The following STK3 variants were observed in gnomAD, a reference collection of about 807,000 sequenced individuals.
STK3 encodes the protein serine/threonine kinase 3.
In STK3, 41 loss-of-function variants were observed where a neutral mutation model predicts 58.0. The observed-to-expected ratio is 0.71, with a 90% CI of 0.55 to 0.92. STK3 has a LOEUF of 0.92. Ranked by LOEUF, STK3 falls within the 40% of genes least tolerant of loss-of-function variation. STK3 has a pLI of 0.00. For synonymous variants in STK3, 170 were observed against 191.0 expected (o/e 0.89, Z 0.91); for missense variants, 479 against 602.7 (o/e 0.79, Z 2.15).
chr8:98,422,261 T>G (rs1011218875), intron 3 of STK3, among the ~76,000 whole-genome samples: 2 of 152,212 alleles, frequency 1.3e-5, no homozygotes, highest in African/African-American at 4.8e-5. Context: ...ATTTGTAACG[T>G]GCAGCAAAAC....
At chr8:98,827,539 A>C (rs1294192452), upstream of STK3, among the ~76,000 whole-genome samples, 1 of 152,236 alleles carries the variant, frequency 6.6e-6, no homozygotes, top group Non-Finnish European at 1.5e-5. Flanking sequence ...CATTATTTTA[A>C]GTTTCACTAT....
chr8:98,361,767 G>A, the STK3 span, among the ~76,000 whole-genome samples: 2 of 152,158 alleles, frequency 1.3e-5, no homozygotes, highest in Non-Finnish European at 2.9e-5. Flanking sequence ...CTTCTAGAAA[G>A]GACCTAGGAA....
downstream of STK3, among the ~76,000 whole-genome samples, chr8:98,367,171 G>A (rs557533357): frequency 8.5e-5 from 13 of 152,354 alleles, no homozygotes; most frequent in African/African-American, 2.6e-4. Flanking sequence ...TGTGAGATTA[G>A]ATATGTGAAA....
chr8:98,546,920 G>A (rs1378085354), intron 9 of STK3, among the ~76,000 whole-genome samples: 1 of 152,160 alleles, frequency 6.6e-6, no homozygotes, highest in African/African-American at 2.4e-5. Flanking sequence ...ACTAGGGAAT[G>A]TGAAGAAAGC....
chr8:98,933,082 C>T (rs1446669770), intron 1 of STK3, among the ~76,000 whole-genome samples: 1 of 152,200 alleles, frequency 6.6e-6, no homozygotes, highest in African/African-American at 2.4e-5. Context: ...CTAACTCCAA[C>T]ACATAGAATG....
intron 10 of STK3, among the ~76,000 whole-genome samples, chr8:98,507,413 C>T (rs185655645): frequency 1.3e-5 from 2 of 152,272 alleles, no homozygotes; most frequent in African/African-American, 4.8e-5. Flanking sequence ...ATTTTGTTGC[C>T]TATATATTAA....
At chr8:98,579,422 A>C (rs1322666789) in intron 8 of STK3, among the ~76,000 whole-genome samples, 1 of 152,198 alleles carries the variant, frequency 6.6e-6, no homozygotes, top group African/African-American at 2.4e-5. Context: ...AGTTAGTATC[A>C]ACTAGATACT....
At chr8:98,494,605 T>C (rs1331337875) in intron 10 of STK3, among the ~76,000 whole-genome samples, 3 of 121,506 alleles carry the variant, frequency 2.5e-5, no homozygotes, top group African/African-American at 3.2e-5. Flanking sequence ...CAGTGAGCTA[T>C]AATGGTGCCA....
At chr8:98,924,564 A>T (rs1253100712) in intron 1 of STK3, among the ~76,000 whole-genome samples, 1 of 152,216 alleles carries the variant, frequency 6.6e-6, no homozygotes, top group African/African-American at 2.4e-5. Context: ...GGATTCTTTA[A>T]ATCAAAACAA....
At chr8:98,652,091 A>G (rs551342806) in intron 6 of STK3, among the ~76,000 whole-genome samples, 171 of 152,302 alleles carry the variant, frequency 1.1e-3, no homozygotes, top group Non-Finnish European at 1.8e-3. Context: ...AGAAAGGTCA[A>G]GTTACCCACA....
chr8:98,722,635 A>C (rs1306336959), intron 4 of STK3: 1 of 153,536 alleles, frequency 6.5e-6, no homozygotes, highest in African/African-American at 2.4e-5. Flanking sequence ...TGTTTTAACA[A>C]ATTTCATTCA....
At chr8:98,680,306 T>C (rs531422979) in intron 6 of STK3, among the ~76,000 whole-genome samples, 1 of 152,224 alleles carries the variant, frequency 6.6e-6, no homozygotes, top group African/African-American at 2.4e-5. Flanking sequence ...GCAGGAGGTA[T>C]GGATAATCTG....
intron 3 of STK3, among the ~76,000 whole-genome samples, chr8:98,751,940 A>C (rs1830012496): frequency 6.6e-6 from 1 of 152,062 alleles, no homozygotes; most frequent in South Asian, 2.1e-4. Context: ...ACTCCATCTC[A>C]AAAAAATAAT....
intron 6 of STK3, among the ~76,000 whole-genome samples, chr8:98,694,506 G>C (rs555491429): frequency 6.6e-6 from 1 of 151,834 alleles, no homozygotes; most frequent in South Asian, 2.1e-4. Flanking sequence ...CCCACTCCCC[G>C]CACCCCAGAA....
chr8:98,539,374 C>T (rs930146717), intron 9 of STK3, among the ~76,000 whole-genome samples: 1 of 152,032 alleles, frequency 6.6e-6, no homozygotes, highest in African/African-American at 2.4e-5. Flanking sequence ...CAGAACAAAA[C>T]AAATTGCCTC....
chr8:98,371,844 G>A (rs978761379), intron 2 of STK3, among the ~76,000 whole-genome samples: 2 of 152,212 alleles, frequency 1.3e-5, no homozygotes, highest in Non-Finnish European at 2.9e-5. Flanking sequence ...ACATGGTGGT[G>A]TTATGGCTTG....
At chr8:98,743,365 T>G (rs1252924028) in intron 4 of STK3, among the ~76,000 whole-genome samples, 1 of 151,860 alleles carries the variant, frequency 6.6e-6, no homozygotes. Context: ...CAAAACAGCA[T>G]GGTACTGGTA....
At chr8:98,813,481 G>T (rs1365877797) in intron 1 of STK3, among the ~76,000 whole-genome samples, 1 of 152,178 alleles carries the variant, frequency 6.6e-6, no homozygotes, top group African/African-American at 2.4e-5. Context: ...GCAATAGACA[G>T]AAGAGCTTTT....
downstream of STK3, among the ~76,000 whole-genome samples, chr8:98,369,724 C>T (rs2130987599): frequency 6.6e-6 from 1 of 152,270 alleles, no homozygotes; most frequent in Middle Eastern, 3.4e-3. Context: ...TCTGTTGAGT[C>T]ACTCCATGGA....
Sources: allele counts gnomAD v4.1 joint callset (sites outside exome capture counted in the v4.1 genomes callset), GRCh38; gene constraint gnomAD v4.1.1; transcripts MANE v1.5; gene names NCBI Gene and HGNC (gene_info 2026-07-23, HGNC 2026-07-21).